SYDE2: variants seen among roughly 807,000 people sequenced by gnomAD.
The protein encoded by SYDE2 is rho GTPase-activating protein SYDE2.
In SYDE2, 76 loss-of-function variants were observed where a neutral mutation model predicts 91.5. That is an observed-to-expected ratio of 0.83 (90% CI 0.69 to 1.01). SYDE2 has a LOEUF of 1.01. Ranked by LOEUF, SYDE2 falls within the 50% of genes least tolerant of loss-of-function variation. SYDE2 has a pLI of 0.00. For synonymous variants in SYDE2, 513 were observed against 506.4 expected, an observed-to-expected ratio of 1.01 and a Z score of -0.18; for missense variants, 1,364 against 1,367.7, an observed-to-expected ratio of 1.00 and a Z score of 0.04.
At chr1:85,168,113 T>A (rs1215941079) in intron 5 of SYDE2, among the ~76,000 whole-genome samples, 3 of 148,704 alleles carry the variant, frequency 2.0e-5, no homozygotes, top group South Asian at 2.1e-4. Context: ...AGACTCCTTC[T>A]TCAAAAAAAA....
chr1:85,167,523 C>T (rs910434599), intron 5 of SYDE2, among the ~76,000 whole-genome samples: 2 of 152,116 alleles, frequency 1.3e-5, no homozygotes, highest in East Asian at 1.9e-4. Context: ...GGCATGATCT[C>T]GGCTCACTGT....
At chr1:85,160,280 A>G in intron 6 of SYDE2, 1 of 938,536 alleles carries the variant, frequency 1.1e-6, no homozygotes, top group African/African-American at 1.8e-5. Flanking sequence ...CTGAAAAACT[A>G]TAAAAACATA....
At chr1:85,168,998 G>C in intron 5 of SYDE2, 46 bp downstream of exon 5, 1 of 1,533,698 alleles carries the variant, frequency 6.5e-7, no homozygotes, top group East Asian at 2.3e-5. Flanking sequence ...TAGGTATACA[G>C]TTCATTAACT....
downstream of SYDE2, among the ~76,000 whole-genome samples, chr1:85,155,072 A>AT (rs397687105): frequency 6.6e-6 from 1 of 151,600 alleles, no homozygotes; most frequent in Non-Finnish European, 1.5e-5. Context: ...GAAAAAAAAA[A>AT]TAGGAGTACA....
At chr1:85,200,129 T>A (rs1188459035) in intron 1 of SYDE2, 123 bp downstream of exon 1, 17 of 1,535,540 alleles carry the variant, frequency 1.1e-5, no homozygotes. Context: ...TACATGACAC[T>A]TACTTTCGCC....
intron 5 of SYDE2, among the ~76,000 whole-genome samples, chr1:85,167,131 G>C (rs531019317): frequency 2.7e-5 from 4 of 150,680 alleles, no homozygotes; most frequent in Non-Finnish European, 5.9e-5. Context: ...GGAGGATGGC[G>C]TGAGCCGGGG....
At position 85,200,747 on chromosome 1, in the gene SYDE2, T is replaced by G. The variant is rs758171558; in HGVS notation, c.250A>C (p.Ser84Arg). The change falls in exon 1 of 7, where the codon AGC becomes CGC. Residue 84 changes from serine (S) to arginine (R), a missense_variant. Physicochemically the swap from Ser to Arg is moderately radical, Grantham distance 110. Coordinates refer to ENST00000341460, the MANE Select transcript of SYDE2 (RefSeq NM_032184.2). ...LRTPRMRPSC[S>R]RSLESLRVGA... ...ACCCGGAGGCTCTCGAGGCTTCTGC[T>G]GCAGGACGGCCGCATCCGAGGAGTC... The G allele has an allele frequency of 6.5e-7, 1 of 1,531,252 alleles. No homozygotes were observed. Among genetic ancestry groups the G allele is most frequent in the South Asian group, 1.2e-5 (1 of 83,800 alleles). The allele number at this position is 1,531,252 out of a possible 1,614,324, so 94.9% of individuals were successfully genotyped here.
At chr1:85,194,028 T>C (rs887734243) in intron 1 of SYDE2, among the ~76,000 whole-genome samples, 2 of 152,138 alleles carry the variant, frequency 1.3e-5, no homozygotes, top group Admixed American at 1.3e-4. Context: ...TTTAAACTTA[T>C]AGATAAATGG....
chr1:85,182,603 C>CCAGATATGT lies in SYDE2; in HGVS notation c.2030_2038dup (p.Ser679_Gly680insAspIleSer). On this transcript the variant is annotated inframe_insertion, in exon 3 of 7. Coordinates refer to ENST00000341460, the MANE Select transcript of SYDE2 (RefSeq NM_032184.2). ...ACCATAGAAATGTACACTCATGAGC[C>CCAGATATGT]CAGATATGTACTGTGAACACTTAGG... 1 of 1,613,804 alleles carries CCAGATATGT rather than the reference C, an allele frequency of 6.2e-7. No individual in the cohort carries two copies. Among genetic ancestry groups the CCAGATATGT allele is most frequent in the Non-Finnish European group, 8.5e-7 (1 of 1,179,836 alleles).
In SYDE2 at chr1:85,182,390, G is replaced by T. The variant is rs748732287; in HGVS notation, c.2252C>A (p.Pro751His). ...ACAAACTCGATTTTTTCTTGGAGTG[G>T]GTTCCCAACTGAATACTACTAGTTT... ...HLKLVVFSWEPTPRKNRVCCH... is the reference protein window; with the variant it reads ...HLKLVVFSWEHTPRKNRVCCH... Residue 751 changes from proline to histidine, a missense_variant, in exon 3 of 7, where the codon CCC becomes CAC. Coordinates refer to ENST00000341460, the MANE Select transcript of SYDE2 (RefSeq NM_032184.2). The T allele has an allele frequency of 6.2e-7, 1 of 1,613,568 alleles. No individual in the cohort carries two copies. The highest frequency in any genetic ancestry group is 8.5e-7 in the Non-Finnish European group (1 of 1,179,800).
downstream of SYDE2, among the ~76,000 whole-genome samples, chr1:85,155,233 T>C (rs1215434168): frequency 6.6e-6 from 1 of 152,012 alleles, no homozygotes; most frequent in African/African-American, 2.4e-5. Flanking sequence ...AAGACAAGAA[T>C]ATAGTTCCAG....
chr1:85,200,038 G>T, intron 1 of SYDE2: 1 of 600,422 alleles, frequency 1.7e-6, no homozygotes, highest in Non-Finnish European at 2.1e-6. Flanking sequence ...TCATGCCATT[G>T]TCTGATTAAA....
chr1:85,181,175 G>A (rs1051256399), intron 3 of SYDE2: 3 of 120,058 alleles, frequency 2.5e-5, no homozygotes, highest in African/African-American at 6.5e-5. Flanking sequence ...TTTTTGCAAC[G>A]GAGTCTCACT....
intron 6 of SYDE2, among the ~76,000 whole-genome samples, chr1:85,163,084 TA>T (rs1373461721): frequency 6.6e-6 from 1 of 152,052 alleles, no homozygotes; most frequent in African/African-American, 2.4e-5. Context: ...GTAAAAGCTT[TA>T]ACTTTCCAAA....
At chr1:85,156,593 G>C (rs1287199514), downstream of SYDE2, among the ~76,000 whole-genome samples, 1 of 152,056 alleles carries the variant, frequency 6.6e-6, no homozygotes, top group African/African-American at 2.4e-5. Flanking sequence ...GCAGTTTATA[G>C]CTATAACTCG....
rs1656916726 is a variant in SYDE2, at chr1:85,157,792, C to G, written c.*958G>C. ...TAATTTTGGCCTCATGACATATATA[C>G]TTTAAAAATACATGTGATTCTACAA... On this transcript the variant is annotated 3_prime_UTR_variant, in exon 7 of 7. Transcript: ENST00000341460. 1 of 152,062 alleles carries G rather than the reference C, an allele frequency of 6.6e-6. No homozygotes were observed. The highest frequency in any genetic ancestry group is 2.1e-4 in the South Asian group (1 of 4,834). 9.4% of individuals were successfully genotyped at this position (152,062 alleles called of 1,614,324 possible).
At chr1:85,167,361 C>T (rs1478076257) in intron 5 of SYDE2, among the ~76,000 whole-genome samples, 1 of 152,006 alleles carries the variant, frequency 6.6e-6, no homozygotes, top group African/African-American at 2.4e-5. Context: ...AATCTGTGTA[C>T]AAATATTTAC....
chr1:85,169,443 C>G (rs1351885356), intron 4 of SYDE2, among the ~76,000 whole-genome samples: 1 of 152,208 alleles, frequency 6.6e-6, no homozygotes, highest in Non-Finnish European at 1.5e-5. Flanking sequence ...AAAATGTACA[C>G]ATAATTTTCA....
chr1:85,193,259 C>T (rs1469023155), intron 1 of SYDE2, among the ~76,000 whole-genome samples: 2 of 151,528 alleles, frequency 1.3e-5, no homozygotes, highest in African/African-American at 4.8e-5. Flanking sequence ...ATCTATTTCA[C>T]ATTTAAGTTC....
Sources: allele counts gnomAD v4.1 joint callset (sites outside exome capture counted in the v4.1 genomes callset), GRCh38; gene constraint gnomAD v4.1.1; transcripts MANE v1.5; gene names NCBI Gene and HGNC (gene_info 2026-07-23, HGNC 2026-07-21).